The following ADAMTSL1 variants were observed in gnomAD, a reference collection of about 807,000 sequenced individuals.
ADAMTSL1 encodes the protein ADAMTS like 1.
In ADAMTSL1, 126 loss-of-function variants were observed where a neutral mutation model predicts 201.8. That is an observed-to-expected ratio of 0.62 (90% confidence interval 0.54 to 0.72). The LOEUF (loss-of-function observed/expected upper bound fraction) is 0.72. Among genes scored for constraint, ADAMTSL1 ranks in the 30% least tolerant of loss-of-function variants. The pLI, the probability that ADAMTSL1 is intolerant of heterozygous loss-of-function variation, is 0.00. For missense variants in ADAMTSL1, 2,679 were observed against 2,277.8 expected (o/e 1.18, Z -3.59); for synonymous variants, 1,121 against 903.4 (o/e 1.24, Z -4.32).
chr9:18,618,159 C>CA (rs1007902687), intron 4 of ADAMTSL1, among the ~76,000 whole-genome samples: 1 of 152,170 alleles, frequency 6.6e-6, no homozygotes, highest in Non-Finnish European at 1.5e-5. Context: ...TGCATCAGGG[C>CA]AGAGGTTTAG....
intron 23 of ADAMTSL1, among the ~76,000 whole-genome samples, chr9:18,862,314 A>G (rs1405503822): frequency 6.6e-6 from 1 of 152,136 alleles, no homozygotes; most frequent in Non-Finnish European, 1.5e-5. Flanking sequence ...TGAGTTCCTG[A>G]GGCATGCTGG....
rs544329816 is a variant in ADAMTSL1, at chr9:18,118,684, A to G, written c.88-45178A>G. ...GCAGATGGGACAATTTTATCCTTCTACACTCAGCCCTAGGATTAGGTGGGA... is the reference window on the plus strand; with the variant it reads ...GCAGATGGGACAATTTTATCCTTCTGCACTCAGCCCTAGGATTAGGTGGGA... On this transcript the variant is annotated intron_variant, in intron 1 of 29. Coordinates refer to the ADAMTSL1 transcript ENST00000680146. Among the ~76,000 whole-genome samples the G allele has an allele frequency of 2.0e-5, 3 of 152,302 alleles. No homozygotes were observed. In the South Asian group the frequency reaches 6.2e-4, roughly 32 times the overall value.
intron 2 of ADAMTSL1, among the ~76,000 whole-genome samples, chr9:18,393,111 G>C (rs1377737011): frequency 6.6e-6 from 1 of 152,058 alleles, no homozygotes. Flanking sequence ...GGTTATTAGT[G>C]GATGCATGAA....
chr9:18,223,451 C>A (rs777371842), intron 2 of ADAMTSL1, among the ~76,000 whole-genome samples: 2 of 151,552 alleles, frequency 1.3e-5, no homozygotes, highest in Non-Finnish European at 2.9e-5. Flanking sequence ...TTTTCTTTAC[C>A]ATCTTTTTGC....
chr9:18,588,294 T>C (rs955216417), intron 4 of ADAMTSL1, among the ~76,000 whole-genome samples: 5 of 152,190 alleles, frequency 3.3e-5, no homozygotes, highest in African/African-American at 1.2e-4. Context: ...TTCAGGTCTT[T>C]TGTCCATTTT....
Position 18,061,513 on chromosome 9 carries a change from G to T in ADAMTSL1, c.88-102349G>T, listed in dbSNP as rs138514156. On this transcript the variant is annotated intron_variant, in intron 1 of 29. Transcript: ENST00000680146. Reference sequence around the variant, plus strand: ...TGAGATTGCCCTCATAAACCACAAAGAACTCTGCAGCTATAAAATATTAGT... The same window carrying T: ...TGAGATTGCCCTCATAAACCACAAATAACTCTGCAGCTATAAAATATTAGT... Among the ~76,000 whole-genome samples, 44 of 152,216 alleles carry T rather than the reference G, an allele frequency of 2.9e-4. No individual in the cohort carries two copies. In the East Asian group the frequency reaches 8.1e-3, roughly 28 times the overall value.
chr9:18,729,840 T>C (rs530113758), intron 15 of ADAMTSL1, among the ~76,000 whole-genome samples: 4 of 152,176 alleles, frequency 2.6e-5, no homozygotes, highest in Admixed American at 6.5e-5. Flanking sequence ...GAGTTCTTCA[T>C]TGCACTAAGA....
chr9:18,541,860 G>A (rs1000224403), intron 3 of ADAMTSL1, among the ~76,000 whole-genome samples: 3 of 152,262 alleles, frequency 2.0e-5, no homozygotes, highest in African/African-American at 7.2e-5. Flanking sequence ...ATGCTATACA[G>A]TCATTAAAAA....
chr9:18,773,494 T>G (rs2133733984), intron 17 of ADAMTSL1, among the ~76,000 whole-genome samples: 1 of 152,322 alleles, frequency 6.6e-6, no homozygotes, highest in South Asian at 2.1e-4. Context: ...GACCACAGAA[T>G]GCTTTATCAA....
chr9:18,239,515 G>C (rs1830978026), intron 2 of ADAMTSL1, among the ~76,000 whole-genome samples: 1 of 152,112 alleles, frequency 6.6e-6, no homozygotes. Context: ...GAGGCAAGTG[G>C]ATCACTTGAG....
At chr9:18,231,625 C>A (rs772282813) in intron 2 of ADAMTSL1, among the ~76,000 whole-genome samples, 2 of 152,188 alleles carry the variant, frequency 1.3e-5, no homozygotes, top group Non-Finnish European at 2.9e-5. Flanking sequence ...CACACTGAAA[C>A]TTCTAAAATT....
chr9:17,976,137 T>C (rs1024556597), intron 1 of ADAMTSL1, among the ~76,000 whole-genome samples: 5 of 152,144 alleles, frequency 3.3e-5, no homozygotes, highest in Non-Finnish European at 7.4e-5. Flanking sequence ...ATTTGTAATA[T>C]AATTTGAAAT....
chr9:18,764,148 T>C (rs773089282), intron 16 of ADAMTSL1, among the ~76,000 whole-genome samples: 5 of 152,226 alleles, frequency 3.3e-5, no homozygotes, highest in Non-Finnish European at 7.3e-5. Flanking sequence ...TTTCCATTTT[T>C]TGATGTTCTC....
At chr9:18,052,617 A>T (rs897806168) in intron 1 of ADAMTSL1, among the ~76,000 whole-genome samples, 1 of 152,254 alleles carries the variant, frequency 6.6e-6, no homozygotes, top group African/African-American at 2.4e-5. Flanking sequence ...ATGTGAGGCC[A>T]ATAGTACCCC....
chr9:18,484,813 G>C (rs1821903682), intron 1 of ADAMTSL1, among the ~76,000 whole-genome samples: 1 of 152,130 alleles, frequency 6.6e-6, no homozygotes, highest in African/African-American at 2.4e-5. Context: ...ATGATTTAAA[G>C]CAGTGATTCT....
At chr9:18,317,101 T>G (rs900250858) in intron 2 of ADAMTSL1, among the ~76,000 whole-genome samples, 1 of 152,274 alleles carries the variant, frequency 6.6e-6, no homozygotes, top group East Asian at 1.9e-4. Flanking sequence ...CTGGAAGACA[T>G]TATGATAAGT....
At chr9:18,413,749 T>G (rs1182691402) in intron 2 of ADAMTSL1, among the ~76,000 whole-genome samples, 1 of 152,182 alleles carries the variant, frequency 6.6e-6, no homozygotes, top group African/African-American at 2.4e-5. Flanking sequence ...CTTCAAAGTC[T>G]TGGTTGTAAA....
rs555240574 is a variant in ADAMTSL1, at chr9:18,647,969, C to G, written c.834+8558C>G. Among the ~76,000 whole-genome samples the G allele has an allele frequency of 2.7e-5, 4 of 149,956 alleles. No homozygotes were observed. The East Asian group carries it at 7.7e-4, about 29-fold the overall frequency. On this transcript the variant is annotated intron_variant, in intron 7 of 28. Coordinates refer to ENST00000380548, the MANE Select transcript of ADAMTSL1 (RefSeq NM_001040272.6). Reference sequence around the variant, plus strand: ...TTGACTTTCTGTCTTGTTGATCCGTCTAATGTTGACAGTGGGGTGTTAAAG... The same window carrying G: ...TTGACTTTCTGTCTTGTTGATCCGTGTAATGTTGACAGTGGGGTGTTAAAG...
intron 1 of ADAMTSL1, among the ~76,000 whole-genome samples, chr9:17,915,142 C>G (rs1004390415): frequency 1.3e-5 from 2 of 152,164 alleles, no homozygotes; most frequent in African/African-American, 4.8e-5. Flanking sequence ...CACCATCACC[C>G]TGAAGTTTCC....
Sources: allele counts gnomAD v4.1 joint callset (sites outside exome capture counted in the v4.1 genomes callset), GRCh38; gene constraint gnomAD v4.1.1; transcripts MANE v1.5; gene names NCBI Gene and HGNC (gene_info 2026-07-23, HGNC 2026-07-21).